Variants in MMS22L observed in about 807,000 individuals in gnomAD.
MMS22L encodes the protein MMS22 like, DNA repair protein, also known as protein MMS22-like.
A neutral mutation model predicts 159.1 loss-of-function variants in MMS22L; 74 were observed. The observed-to-expected ratio is 0.47, with a 90% CI of 0.39 to 0.56. The LOEUF is 0.56. Among genes scored for constraint, MMS22L ranks in the 20% least tolerant of loss-of-function variants. The pLI, the probability that MMS22L is intolerant of heterozygous loss-of-function variation, is 0.00. For missense variants in MMS22L, 1,351 were observed against 1,422.1 expected, an observed-to-expected ratio of 0.95 and a Z score of 0.80; for synonymous variants, 517 against 506.9, an observed-to-expected ratio of 1.02 and a Z score of -0.27.
intron 15 of MMS22L, among the ~76,000 whole-genome samples, chr6:97,185,567 C>T (rs1805141112): frequency 6.6e-6 from 1 of 152,040 alleles, no homozygotes; most frequent in Admixed American, 6.6e-5. Context: ...TATTTATTTT[C>T]ATAGACATTA....
intron 4 of MMS22L, among the ~76,000 whole-genome samples, chr6:97,274,661 A>T (rs992286667): frequency 1.3e-5 from 2 of 152,128 alleles, no homozygotes; most frequent in South Asian, 4.1e-4. Flanking sequence ...AGATGAGGAG[A>T]TATGGGATCC....
chr6:97,166,465 A>G (rs1253513883), intron 20 of MMS22L, among the ~76,000 whole-genome samples: 1 of 152,164 alleles, frequency 6.6e-6, no homozygotes, highest in African/African-American at 2.4e-5. Flanking sequence ...AAAATAGCAT[A>G]CAGCTGTTAA....
chr6:97,281,133 A>G (rs1816720723), intron 3 of MMS22L, 104 bp downstream of exon 3: 2 of 1,135,738 alleles, frequency 1.8e-6, no homozygotes, highest in African/African-American at 1.6e-5. Flanking sequence ...AACCAGCACA[A>G]TTCCTCTGGT....
intron 14 of MMS22L, among the ~76,000 whole-genome samples, chr6:97,226,312 C>T (rs1172638463): frequency 1.3e-5 from 2 of 152,046 alleles, no homozygotes; most frequent in South Asian, 2.1e-4. Flanking sequence ...TTTAAATATA[C>T]GGCTGGGCAC....
rs149438463 is a variant in MMS22L, at chr6:97,239,741, T to C, written c.1183-5761A>G. On this transcript the variant is annotated intron_variant, in intron 11 of 24. Coordinates refer to ENST00000683635, the MANE Select transcript of MMS22L (RefSeq NM_001350599.2). ...TCAGCCTGGGAAACACAGCAAGATCTGTCTATAAAATGAAGATATTAGCCA... is the reference window on the plus strand; with the variant it reads ...TCAGCCTGGGAAACACAGCAAGATCCGTCTATAAAATGAAGATATTAGCCA... Among the ~76,000 whole-genome samples the C allele has an allele frequency of 4.6e-5, 7 of 152,272 alleles. No homozygotes were observed. The East Asian group carries it at 1.4e-3, about 29-fold the overall frequency.
In MMS22L at chr6:97,173,234, GA is replaced by G. The variant is rs1803744021; in HGVS notation, c.2680-13del. 1 of 1,600,092 alleles carries G rather than the reference GA, an allele frequency of 6.2e-7. No individual in the cohort carries two copies. The highest frequency in any genetic ancestry group is 1.1e-5 in the South Asian group (1 of 87,532). The stretch of plus-strand genomic sequence containing the variant: ...GTTACACCAACAGCCTATAAATAAA[GA>G]AAAACATTATTTAACTTCCCAAAGT... On this transcript the variant is annotated splice_polypyrimidine_tract_variant and intron_variant, in intron 18 of 24. Coordinates refer to ENST00000683635, the MANE Select transcript of MMS22L (RefSeq NM_001350599.2).
Position 97,278,867 on chromosome 6 carries a change from G to C in MMS22L, c.322C>G (p.Gln108Glu). Reference sequence around the variant, plus strand: ...AACTTACCAAAATCACAACTGGACTGTAACAAGGTTTCCAAGTTGTACAGT... The same window carrying C: ...AACTTACCAAAATCACAACTGGACTCTAACAAGGTTTCCAAGTTGTACAGT... ...QQLYNLETLLQSSCDFGKVST... is the reference protein window; with the variant it reads ...QQLYNLETLLESSCDFGKVST... The change falls in exon 4 of 25, where the codon CAG (glutamine) becomes GAG (glutamate). Residue 108 changes from glutamine to glutamate, a missense_variant. Transcript: ENST00000683635. The C allele has an allele frequency of 6.2e-7, 1 of 1,612,982 alleles. No individual in the cohort carries two copies. The highest frequency in any genetic ancestry group is 1.1e-5 in the South Asian group (1 of 90,736).
At chr6:97,270,046 A>G in intron 6 of MMS22L, 54 bp from the exon 7 acceptor site, 3 of 1,347,138 alleles carry the variant, frequency 2.2e-6, no homozygotes. Context: ...TTTACTAGGT[A>G]TTTCATAGCA....
intron 14 of MMS22L, among the ~76,000 whole-genome samples, chr6:97,209,210 TTA>T (rs1808110045): frequency 6.6e-6 from 1 of 152,084 alleles, no homozygotes; most frequent in African/African-American, 2.4e-5. Flanking sequence ...TTTACACTAG[TTA>T]TACACATGTA....
Position 97,229,088 on chromosome 6 carries a change from T to C in MMS22L, c.1845A>G (p.Val615=). ...GAAGGGTCCAGATAGTCTGTCTCTG[T>C]ACCATTTCCTCATTCTTAGACACCA... The part of the protein sequence containing the change: ...EFLVSKNEEM[V]QRQTIWTLLS... The change falls in exon 14 of 25, where the codon GTA becomes GTG. Residue 615 remains valine (V), a synonymous_variant. Transcript: ENST00000683635. 1 of 1,613,942 alleles carries C rather than the reference T, an allele frequency of 6.2e-7. No homozygotes were observed. Among genetic ancestry groups the C allele is most frequent in the Non-Finnish European group, 8.5e-7 (1 of 1,179,778 alleles).
chr6:97,201,548 C>G (rs962847854), intron 14 of MMS22L, among the ~76,000 whole-genome samples: 3 of 152,168 alleles, frequency 2.0e-5, no homozygotes, highest in Non-Finnish European at 2.9e-5. Flanking sequence ...TCTGCCTGGT[C>G]GTGTTAACAG....
intron 14 of MMS22L, among the ~76,000 whole-genome samples, chr6:97,215,114 A>ATATATATATATATATTTTTTTTT (rs1209431095): frequency 2.3e-5 from 2 of 87,188 alleles, no homozygotes; most frequent in African/African-American, 7.1e-5. Flanking sequence ...ATATATATAT[A>ATATATATATATATATTTTTTTTT]TTTTTTTTTT....
chr6:97,245,901 A>G (rs1812586851), intron 11 of MMS22L: 4 of 249,070 alleles, frequency 1.6e-5, no homozygotes, highest in South Asian at 1.3e-4. Flanking sequence ...ATATAAAGCA[A>G]TATTATACTA....
At chr6:97,156,718 C>T (rs1301900539) in intron 22 of MMS22L, among the ~76,000 whole-genome samples, 2 of 152,142 alleles carry the variant, frequency 1.3e-5, no homozygotes, top group Non-Finnish European at 2.9e-5. Context: ...TTACTGTAGC[C>T]TTCTAGTATC....
rs373010587 is a variant in MMS22L, at chr6:97,231,601, T to A, written c.1354A>T (p.Met452Leu). The change falls in exon 13 of 25, where the codon ATG (methionine) becomes TTG (leucine). Residue 452 changes from methionine to leucine, a missense_variant. Coordinates refer to ENST00000683635, the MANE Select transcript of MMS22L (RefSeq NM_001350599.2). ...WLPFKGLANT[M>L]KSPLSMLEMV... The stretch of plus-strand genomic sequence containing the variant: ...TCAAGCATAGACAAGGGTGACTTCA[T>A]GGTATTAGCAAGGCCTTTAAAAGGA... The A allele has an allele frequency of 6.2e-7, 1 of 1,613,840 alleles. No individual in the cohort carries two copies.
intron 11 of MMS22L, among the ~76,000 whole-genome samples, chr6:97,240,878 T>C (rs1377776863): frequency 1.3e-5 from 2 of 152,094 alleles, no homozygotes; most frequent in East Asian, 3.9e-4. Flanking sequence ...CCACCTGCCT[T>C]GGCCTCCCAA....
At chr6:97,240,491 A>T (rs1042628284) in intron 11 of MMS22L, among the ~76,000 whole-genome samples, 2 of 152,154 alleles carry the variant, frequency 1.3e-5, no homozygotes, top group Non-Finnish European at 2.9e-5. Context: ...TGGTCACCTG[A>T]CCTACTTTTT....
At chr6:97,209,324 G>C (rs1008401531) in intron 14 of MMS22L, among the ~76,000 whole-genome samples, 2 of 151,910 alleles carry the variant, frequency 1.3e-5, no homozygotes, top group African/African-American at 4.8e-5. Flanking sequence ...AAGCGTTACT[G>C]AATTACTACA....
intron 20 of MMS22L, 115 bp from the exon 21 acceptor site, chr6:97,165,572 C>T (rs912706485): frequency 5.8e-6 from 5 of 862,742 alleles, no homozygotes; most frequent in Middle Eastern, 2.3e-4. Context: ...ATATAAAAAT[C>T]AAAAAGGATA....
Sources: allele counts gnomAD v4.1 joint callset (sites outside exome capture counted in the v4.1 genomes callset), GRCh38; gene constraint gnomAD v4.1.1; transcripts MANE v1.5; gene names NCBI Gene and HGNC (gene_info 2026-07-23, HGNC 2026-07-21).